The following TSPAN2 variants were observed in gnomAD, a reference collection of about 807,000 sequenced individuals.
The protein encoded by TSPAN2 is tetraspanin 2.
In TSPAN2, 24 loss-of-function variants were observed where a neutral mutation model predicts 33.3. That is an observed-to-expected ratio of 0.72 (90% CI 0.52 to 1.01). TSPAN2 has a LOEUF of 1.01. Ranked by LOEUF, TSPAN2 falls within the 50% of genes least tolerant of loss-of-function variation. TSPAN2 has a pLI of 0.00. For synonymous variants in TSPAN2, 114 were observed against 104.5 expected (o/e 1.09, Z -0.56); for missense variants, 278 against 281.3 (o/e 0.99, Z 0.08).
Position 115,057,602 on chromosome 1 carries a change from A to G in TSPAN2, c.451T>C (p.Cys151Arg). 6.2e-7 allele frequency: 1 copy of G among 1,614,094 alleles called. No homozygotes were observed. Among genetic ancestry groups the G allele is most frequent in the Non-Finnish European group, 8.5e-7 (1 of 1,179,990 alleles). ...TLITFHSTFQ[C>R]CGKESSEQVQ... The stretch of plus-strand genomic sequence containing the variant: ...TGTTCGGAGCTTTCTTTTCCACAGC[A>G]CTGAAACTAGAGAGTCAGAAAAGAG... Residue 151 changes from cysteine (C) to arginine (R), a missense_variant, in exon 6 of 8, where the codon TGC (cysteine) becomes CGC (arginine). Transcript: ENST00000369516.
At chr1:115,079,482 G>A (rs1043233157) in intron 1 of TSPAN2, among the ~76,000 whole-genome samples, 1 of 152,022 alleles carries the variant, frequency 6.6e-6, no homozygotes, top group African/African-American at 2.4e-5. Context: ...CATTTGCTCT[G>A]GAAGATGATC....
intron 7 of TSPAN2, among the ~76,000 whole-genome samples, chr1:115,052,562 A>T (rs1211302949): frequency 6.6e-6 from 1 of 152,118 alleles, no homozygotes; most frequent in Non-Finnish European, 1.5e-5. Flanking sequence ...GCATACAAAG[A>T]TCTCAATGAT....
chr1:115,060,443 A>G, intron 4 of TSPAN2, 21 bp downstream of exon 4: 2 of 1,577,280 alleles, frequency 1.3e-6, no homozygotes, highest in Non-Finnish European at 1.7e-6. Flanking sequence ...ATAGAAAAAC[A>G]TTATAAGTAA....
chr1:115,089,453 T>A lies in TSPAN2; in HGVS notation c.-21A>T, dbSNP rs757236150. On this transcript the variant is annotated 5_prime_UTR_variant, in exon 1 of 8. Transcript: ENST00000369516. The stretch of plus-strand genomic sequence containing the variant: ...CCCATGCTGCGGCCCGGCGGCGGGA[T>A]CCCCAGTCCCCAGGCCCGCGCTACG... 2 of 1,517,844 alleles carry A rather than the reference T, an allele frequency of 1.3e-6. No homozygotes were observed. Among genetic ancestry groups the A allele is most frequent in the Non-Finnish European group, 1.8e-6 (2 of 1,130,846 alleles). 94.0% of individuals were successfully genotyped at this position (1,517,844 alleles called of 1,614,324 possible).
At chr1:115,072,347 T>G (rs1174338453) in intron 2 of TSPAN2, among the ~76,000 whole-genome samples, 1 of 151,976 alleles carries the variant, frequency 6.6e-6, no homozygotes, top group Non-Finnish European at 1.5e-5. Context: ...CATTCTTCTC[T>G]CTCCTCCCCT....
chr1:115,066,663 T>C (rs1022921478), intron 2 of TSPAN2, among the ~76,000 whole-genome samples: 3 of 148,858 alleles, frequency 2.0e-5, no homozygotes, highest in Non-Finnish European at 4.5e-5. Context: ...TGGTTTTACA[T>C]AATCTGCTAA....
intron 1 of TSPAN2, among the ~76,000 whole-genome samples, chr1:115,076,155 A>G (rs942656082): frequency 6.6e-6 from 1 of 152,212 alleles, no homozygotes; most frequent in Non-Finnish European, 1.5e-5. Flanking sequence ...TTTAATTTAC[A>G]TCTTGAAGAA....
chr1:115,070,082 T>C (rs1180732032), intron 2 of TSPAN2, among the ~76,000 whole-genome samples: 2 of 152,160 alleles, frequency 1.3e-5, no homozygotes, highest in African/African-American at 4.8e-5. Flanking sequence ...CGGGGAGGTC[T>C]TCCATCTGTA....
At chr1:115,077,245 T>G (rs1648450051) in intron 1 of TSPAN2, among the ~76,000 whole-genome samples, 1 of 151,734 alleles carries the variant, frequency 6.6e-6, no homozygotes, top group Non-Finnish European at 1.5e-5. Flanking sequence ...GAGGACCGGT[T>G]GTATGTGAGG....
chr1:115,078,206 C>T (rs755566520), intron 1 of TSPAN2, among the ~76,000 whole-genome samples: 1 of 152,214 alleles, frequency 6.6e-6, no homozygotes, highest in Non-Finnish European at 1.5e-5. Context: ...CTACCATGAC[C>T]TAGATAGGTA....
intron 2 of TSPAN2, among the ~76,000 whole-genome samples, chr1:115,071,207 A>C (rs1236813844): frequency 6.6e-6 from 1 of 152,148 alleles, no homozygotes; most frequent in Non-Finnish European, 1.5e-5. Flanking sequence ...AATCATAGTA[A>C]TTCGCTTCTT....
At chr1:115,072,582 T>C (rs142449389) in intron 2 of TSPAN2, among the ~76,000 whole-genome samples, 208 of 152,312 alleles carry the variant, frequency 1.4e-3, no homozygotes, top group African/African-American at 4.9e-3. Context: ...AAATTTTAGC[T>C]GCATTTCCTT....
rs1188513322 is a variant in TSPAN2 at position 115,053,455 on chromosome 1, A to G, written c.524T>C (p.Ile175Thr). 1 of 1,613,716 alleles carries G rather than the reference A, an allele frequency of 6.2e-7. No individual in the cohort carries two copies. Among genetic ancestry groups the G allele is most frequent in the Non-Finnish European group, 8.5e-7 (1 of 1,179,806 alleles). Residue 175 changes from isoleucine to threonine, a missense_variant, in exon 7 of 8, where the codon ATC becomes ACC. Physicochemically the swap from Ile to Thr is moderately conservative, Grantham distance 89. Coordinates refer to ENST00000369516, the MANE Select transcript of TSPAN2 (RefSeq NM_005725.6). The stretch of plus-strand genomic sequence containing the variant: ...ACTGATTATGGTCTCAATTTCATCG[A>G]TGCAATTCTGTTTTGAGGAAAAAAA... ...PKELLGHKNC[I>T]DEIETIISVK...
intron 4 of TSPAN2, 115 bp from the exon 5 acceptor site, chr1:115,059,096 A>G: frequency 7.4e-6 from 6 of 807,508 alleles, no homozygotes; most frequent in Middle Eastern, 2.6e-4. Flanking sequence ...CTTTCTCATA[A>G]GAATGATACA....
chr1:115,067,617 C>T (rs182789546), intron 2 of TSPAN2, among the ~76,000 whole-genome samples: 7 of 152,064 alleles, frequency 4.6e-5, no homozygotes, highest in African/African-American at 9.7e-5. Context: ...CCTTGGTGTT[C>T]GGCACTGGAA....
intron 5 of TSPAN2, 27 bp from the exon 6 acceptor site, chr1:115,057,635 G>A (rs1359476390): frequency 1.2e-6 from 2 of 1,610,682 alleles, no homozygotes; most frequent in Non-Finnish European, 1.7e-6. Flanking sequence ...GAGACTTCAG[G>A]ACCAGGCGGG....
intron 2 of TSPAN2, among the ~76,000 whole-genome samples, chr1:115,066,717 T>G (rs1647965458): frequency 1.3e-5 from 2 of 152,218 alleles, no homozygotes; most frequent in African/African-American, 2.4e-5. Flanking sequence ...CCTACATTTA[T>G]GTCCCTTCAG....
chr1:115,073,045 G>A (rs775074645), intron 1 of TSPAN2, 38 bp from the exon 2 acceptor site: 3 of 1,558,108 alleles, frequency 1.9e-6, no homozygotes, highest in East Asian at 2.2e-5. Flanking sequence ...AGTGGAAGGG[G>A]AAAGAGCATG....
chr1:115,065,049 C>G (rs1647890416), intron 2 of TSPAN2, among the ~76,000 whole-genome samples: 1 of 152,204 alleles, frequency 6.6e-6, no homozygotes. Flanking sequence ...GCAAAAACAA[C>G]CTGAAGCTGC....
Sources: gnomAD v4.1 joint callset for allele counts (sites outside exome capture counted in the v4.1 genomes callset) on GRCh38, gnomAD v4.1.1 for gene constraint, MANE v1.5 for transcripts, NCBI Gene and HGNC (gene_info 2026-07-23, HGNC 2026-07-21) for gene names.